PLCG2: variants seen among roughly 807,000 people sequenced by gnomAD.
The protein encoded by PLCG2 is 1-phosphatidylinositol 4,5-bisphosphate phosphodiesterase gamma-2.
A neutral mutation model predicts 175.6 loss-of-function variants in PLCG2; 69 were observed. The ratio of observed to expected loss-of-function variants is 0.39; its 90% CI spans 0.32 to 0.48. PLCG2 has a LOEUF of 0.48. Ranked by LOEUF, PLCG2 falls within the 20% of genes least tolerant of loss-of-function variation. The pLI, the probability that PLCG2 is intolerant of heterozygous loss-of-function variation, is 0.91. For synonymous variants in PLCG2, 827 were observed against 624.0 expected (o/e 1.33, Z -4.85); for missense variants, 1,798 against 1,650.9 (o/e 1.09, Z -1.54).
chr16:81,760,884 G>T (rs1361479362), intron 2 of PLCG2, among the ~76,000 whole-genome samples: 1 of 151,982 alleles, frequency 6.6e-6, no homozygotes, highest in African/African-American at 2.4e-5. Flanking sequence ...GTGCAATATA[G>T]TGAGATCCCT....
intron 2 of PLCG2, among the ~76,000 whole-genome samples, chr16:81,844,457 G>A (rs932994244): frequency 2.6e-5 from 4 of 152,140 alleles, no homozygotes; most frequent in African/African-American, 4.8e-5. Flanking sequence ...TAGTAACTGC[G>A]ATTACAGGTG....
chr16:81,933,357 C>T (rs972112373), intron 25 of PLCG2, among the ~76,000 whole-genome samples: 9 of 152,190 alleles, frequency 5.9e-5, no homozygotes, highest in African/African-American at 1.4e-4. Context: ...AAACCAGCGG[C>T]GGATAAACTC....
chr16:81,885,005 A>C (rs1908285019), intron 9 of PLCG2, among the ~76,000 whole-genome samples: 1 of 151,934 alleles, frequency 6.6e-6, no homozygotes, highest in Non-Finnish European at 1.5e-5. Flanking sequence ...CTCCTGCCTC[A>C]GCCTCCCGAA....
chr16:81,748,507 G>C (rs1431294609), intron 1 of PLCG2, among the ~76,000 whole-genome samples: 1 of 152,188 alleles, frequency 6.6e-6, no homozygotes, highest in Non-Finnish European at 1.5e-5. Flanking sequence ...ACACAAGAAA[G>C]AGGTGACTAA....
At position 81,959,852 on chromosome 16, in the gene PLCG2, A is replaced by G; in HGVS notation, c.*1854A>G. On this transcript the variant is annotated 3_prime_UTR_variant, in exon 33 of 33. Coordinates refer to ENST00000564138, the MANE Select transcript of PLCG2 (RefSeq NM_002661.5). ...TTAGGACTTCCACACAGCAGAGCTCAGGTGTTGCTGTCATTACCTCCTTTC... is the reference window on the plus strand; with the variant it reads ...TTAGGACTTCCACACAGCAGAGCTCGGGTGTTGCTGTCATTACCTCCTTTC... 1 of 187,000 alleles carries G rather than the reference A, an allele frequency of 5.3e-6. No homozygotes were observed. Among genetic ancestry groups the G allele is most frequent in the African/African-American group, 2.3e-5 (1 of 42,862 alleles). The allele number at this position is 187,000 out of a possible 1,614,324, so 11.6% of individuals were successfully genotyped here.
intron 9 of PLCG2, among the ~76,000 whole-genome samples, chr16:81,885,624 C>G (rs959982384): frequency 6.7e-5 from 10 of 149,832 alleles, no homozygotes; most frequent in Non-Finnish European, 8.9e-5. Context: ...ACAGATAGAA[C>G]TTTTTTTTTT....
At chr16:81,747,828 C>T (rs776623756) in intron 1 of PLCG2, among the ~76,000 whole-genome samples, 119 of 151,998 alleles carry the variant, frequency 7.8e-4, no homozygotes, top group African/African-American at 2.5e-3. Flanking sequence ...TATGGACTGG[C>T]GGACTGTTTT....
intron 14 of PLCG2, among the ~76,000 whole-genome samples, chr16:81,903,635 G>T (rs941008878): frequency 1.1e-4 from 17 of 152,210 alleles, no homozygotes; most frequent in Admixed American, 6.5e-5. Context: ...CCAGCACGGT[G>T]AAGGCAGGAT....
chr16:81,954,110 C>T (rs1911470907), intron 31 of PLCG2, among the ~76,000 whole-genome samples: 1 of 152,126 alleles, frequency 6.6e-6, no homozygotes, highest in Admixed American at 6.5e-5. Flanking sequence ...GCAGCCTTAA[C>T]CTCCTGGGCT....
At chr16:81,750,708 C>T (rs1317768174) in intron 1 of PLCG2, among the ~76,000 whole-genome samples, 1 of 101,926 alleles carries the variant, frequency 9.8e-6, no homozygotes, top group African/African-American at 3.8e-5. Context: ...CCCTCTTTTG[C>T]CCAGGCTGGA....
chr16:81,901,475 G>A (rs1034137960), intron 14 of PLCG2, among the ~76,000 whole-genome samples: 2 of 152,194 alleles, frequency 1.3e-5, no homozygotes, highest in African/African-American at 4.8e-5. Flanking sequence ...CAGGGACCCG[G>A]GGCCCCCGCA....
intron 25 of PLCG2, among the ~76,000 whole-genome samples, chr16:81,932,652 G>T (rs1910550221): frequency 6.6e-6 from 1 of 152,192 alleles, no homozygotes; most frequent in Non-Finnish European, 1.5e-5. Context: ...GCCAGTCCCT[G>T]GTCACGAGAG....
intron 2 of PLCG2, among the ~76,000 whole-genome samples, chr16:81,808,944 C>T (rs1426565330): frequency 6.6e-6 from 1 of 152,176 alleles, no homozygotes; most frequent in African/African-American, 2.4e-5. Context: ...CCTATTGGAC[C>T]TGCCTGATGA....
intron 2 of PLCG2, among the ~76,000 whole-genome samples, chr16:81,850,670 A>C (rs140797952): frequency 7.0e-4 from 107 of 152,240 alleles, no homozygotes; most frequent in African/African-American, 2.5e-3. Context: ...AAAGGGGCTA[A>C]AGTAGGCAGG....
chr16:81,797,129 G>C (rs182978418), intron 2 of PLCG2, among the ~76,000 whole-genome samples: 1 of 152,304 alleles, frequency 6.6e-6, no homozygotes, highest in Non-Finnish European at 1.5e-5. Flanking sequence ...GTAAACGAGG[G>C]AGGCAGCATT....
intron 31 of PLCG2, among the ~76,000 whole-genome samples, chr16:81,951,319 C>T (rs777418592): frequency 1.2e-4 from 18 of 152,078 alleles, no homozygotes; most frequent in Non-Finnish European, 2.5e-4. Flanking sequence ...AGAGGAAAAA[C>T]ATGTAAGAGT....
rs988581618 is a variant in PLCG2 at position 81,961,984 on chromosome 16, C to T, written c.*3986C>T. ...ACCCCATTGATCGCCAGGGTTGATT[C>T]GGCTGATCTGGCTGGCTAGGTGGGT... On this transcript the variant is annotated 3_prime_UTR_variant, in exon 33 of 33. Transcript: ENST00000564138. 13 of 196,604 alleles carry T rather than the reference C, an allele frequency of 6.6e-5. No individual in the cohort carries two copies. Among genetic ancestry groups the T allele is most frequent in the South Asian group, 1.9e-4 (1 of 5,184 alleles). 12.2% of individuals were successfully genotyped at this position (196,604 alleles called of 1,614,324 possible).
Position 81,762,900 on chromosome 16 carries a change from A to G in PLCG2, c.-48+6934A>G, listed in dbSNP as rs76881949. On this transcript the variant is annotated intron_variant, in intron 2 of 5. Transcript: ENST00000565054. ...TAGTGAAACCTCACCTCTACAAACA[A>G]ATTTTTAATTAGCGGGAATGGTAGC... is the stretch of plus-strand genomic sequence containing the variant. 5.7e-3 allele frequency among the ~76,000 whole-genome samples: 869 copies of G among 152,138 alleles called. 10 individuals carry two copies. Among genetic ancestry groups the G allele is most frequent in the African/African-American group, 0.019 (800 of 41,496 alleles).
In PLCG2 at chr16:81,907,668, C is replaced by T. The variant is rs1909435600; in HGVS notation, c.1468-17C>T. ...GTAGAGGACTTGGGGGGCACTAATA[C>T]CAGTTTCACTTTCTAGAAATGGACT... On this transcript the variant is annotated splice_polypyrimidine_tract_variant and intron_variant, in intron 15 of 32. Transcript: ENST00000564138. The T allele has an allele frequency of 6.3e-7, 1 of 1,597,416 alleles. No individual in the cohort carries two copies. Among genetic ancestry groups the T allele is most frequent in the Non-Finnish European group, 8.6e-7 (1 of 1,164,984 alleles).
Sources: gnomAD v4.1 joint callset for allele counts (sites outside exome capture counted in the v4.1 genomes callset) on GRCh38, gnomAD v4.1.1 for gene constraint, MANE v1.5 for transcripts, NCBI Gene and HGNC (gene_info 2026-07-23, HGNC 2026-07-21) for gene names.